Variants in FAM83B observed in about 807,000 individuals in gnomAD.
FAM83B encodes protein FAM83B.
Under a neutral mutation model 38.8 loss-of-function variants are expected in FAM83B, and 26 were observed. The ratio of observed to expected loss-of-function variants is 0.67; its 90% CI spans 0.49 to 0.93. FAM83B has a LOEUF of 0.93. Among genes scored for constraint, FAM83B ranks in the 40% least tolerant of loss-of-function variants. The pLI is 0.00. For missense variants in FAM83B, 1,237 were observed against 1,197.3 expected (o/e 1.03, Z -0.49); for synonymous variants, 419 against 423.1 (o/e 0.99, Z 0.12).
chr6:54,904,481 C>G (rs769331225), intron 2 of FAM83B, among the ~76,000 whole-genome samples: 1 of 152,114 alleles, frequency 6.6e-6, no homozygotes, highest in Admixed American at 6.6e-5. Context: ...ACACACCTCC[C>G]ATTCCTTGCC....
At chr6:54,887,443 T>A (rs746111100) in intron 2 of FAM83B, among the ~76,000 whole-genome samples, 6 of 152,200 alleles carry the variant, frequency 3.9e-5, no homozygotes, top group Non-Finnish European at 8.8e-5. Context: ...CTATTATATA[T>A]TCAATAGCTG....
In FAM83B at chr6:54,940,133, A is replaced by G. The variant is rs1773630536; in HGVS notation, c.1162A>G (p.Ser388Gly). The change falls in exon 5 of 5, where the codon AGT becomes GGT. Residue 388 changes from serine (S) to glycine (G), a missense_variant. Ser to Gly is a moderately conservative substitution (Grantham distance 56). Coordinates refer to ENST00000306858, the MANE Select transcript of FAM83B (RefSeq NM_001010872.3). ...GATAAATGAAAATTGGAAAAGGCAT[A>G]GTTATGCTGGGGAACAGCCAGAAAC... ...NQINENWKRH[S>G]YAGEQPETVP... is the part of the protein sequence containing the mutation. 1 of 1,614,128 alleles carries G rather than the reference A, an allele frequency of 6.2e-7. No homozygotes were observed. The highest frequency in any genetic ancestry group is 8.5e-7 in the Non-Finnish European group (1 of 1,180,018).
intron 2 of FAM83B, among the ~76,000 whole-genome samples, chr6:54,922,355 C>G (rs1773190934): frequency 6.6e-6 from 1 of 151,852 alleles, no homozygotes; most frequent in African/African-American, 2.4e-5. Context: ...AAATTAGTGC[C>G]AGACTGCACC....
At position 54,875,502 on chromosome 6, in the gene FAM83B, C is replaced by T. The variant is rs530128663; in HGVS notation, c.444+4812C>T. Among the ~76,000 whole-genome samples, 20 of 152,208 alleles carry T rather than the reference C, an allele frequency of 1.3e-4. 1 individual carries two copies. The South Asian group carries it at 3.3e-3, about 25-fold the overall frequency. ...ATTTCTTCTTGGAAATAATATTTTG[C>T]TTAGTCAAATTTAATGACATTACTA... On this transcript the variant is annotated intron_variant, in intron 2 of 4. Transcript: ENST00000306858.
rs1771848396 is a variant in FAM83B at position 54,871,366 on chromosome 6, CATGGTGGGCACTTTGGAG to C, written c.444+678_444+695del. The stretch of plus-strand genomic sequence containing the variant: ...TAAGAGTTTTGTATCTACTCAGCAC[CATGGTGGGCACTTTGGAG>C]ACTACAAAAAAATTTGCCAAGCTCA... On this transcript the variant is annotated intron_variant, in intron 2 of 4. Coordinates refer to ENST00000306858, the MANE Select transcript of FAM83B (RefSeq NM_001010872.3). 2.6e-5 allele frequency among the ~76,000 whole-genome samples: 4 copies of C among 151,668 alleles called. No homozygotes were observed. The South Asian group carries it at 8.3e-4, about 32-fold the overall frequency.
At chr6:54,910,516 A>G (rs1394600010) in intron 2 of FAM83B, among the ~76,000 whole-genome samples, 1 of 152,114 alleles carries the variant, frequency 6.6e-6, no homozygotes, top group Non-Finnish European at 1.5e-5. Context: ...GGTGGTCACC[A>G]GGTTGCCTAG....
At chr6:54,878,788 T>G (rs1186653284) in intron 2 of FAM83B, among the ~76,000 whole-genome samples, 2 of 152,290 alleles carry the variant, frequency 1.3e-5, no homozygotes, top group East Asian at 3.9e-4. Context: ...CCTGCTATAT[T>G]TTAACAGTAT....
chr6:54,850,422 T>A (rs1463577514), intron 1 of FAM83B, among the ~76,000 whole-genome samples: 2 of 152,214 alleles, frequency 1.3e-5, no homozygotes, highest in African/African-American at 2.4e-5. Context: ...TTCCCCACAG[T>A]ATCACTGTGA....
At chr6:54,868,476 A>T (rs1258567769) in intron 1 of FAM83B, among the ~76,000 whole-genome samples, 1 of 152,192 alleles carries the variant, frequency 6.6e-6, no homozygotes, top group Non-Finnish European at 1.5e-5. Flanking sequence ...AAGTTTTAGG[A>T]TGTATCCCAA....
chr6:54,888,416 T>C (rs1464600038), intron 2 of FAM83B, among the ~76,000 whole-genome samples: 1 of 151,994 alleles, frequency 6.6e-6, no homozygotes, highest in African/African-American at 2.4e-5. Context: ...CCCTTTAGGA[T>C]TGCTTTTGTT....
At chr6:54,887,276 T>G (rs1437713367) in intron 2 of FAM83B, among the ~76,000 whole-genome samples, 1 of 152,174 alleles carries the variant, frequency 6.6e-6, no homozygotes, top group Non-Finnish European at 1.5e-5. Context: ...CAAACACAGA[T>G]TAAAAATACA....
intron 1 of FAM83B, among the ~76,000 whole-genome samples, chr6:54,854,266 G>C (rs1400768849): frequency 6.6e-6 from 1 of 152,148 alleles, no homozygotes; most frequent in Non-Finnish European, 1.5e-5. Context: ...AACTTAGTTG[G>C]TAAAACAGCA....
intron 1 of FAM83B, among the ~76,000 whole-genome samples, chr6:54,850,336 G>C (rs1771243094): frequency 1.3e-5 from 2 of 152,106 alleles, no homozygotes; most frequent in Non-Finnish European, 2.9e-5. Context: ...TCACTCCTGT[G>C]TCCCACCCAC....
rs371661651 is a variant in FAM83B at position 54,870,682 on chromosome 6, G to T, written c.436G>T (p.Ala146Ser). Residue 146 changes from alanine to serine, a missense_variant, in exon 2 of 5, where the codon GCA becomes TCA. Physicochemically the swap from Ala to Ser is moderately conservative, Grantham distance 99. Transcript: ENST00000306858. ...AACTATTCGGAAGATGATAAAAGAA[G>T]CAAGAAAGGTAATAACATTTCTATT... ...KETIRKMIKE[A>S]RKVIALVMDI... is the part of the protein sequence containing the mutation. 2 of 1,585,832 alleles carry T rather than the reference G, an allele frequency of 1.3e-6. No individual in the cohort carries two copies. The highest frequency in any genetic ancestry group is 2.7e-5 in the African/African-American group (2 of 72,990).
chr6:54,917,185 G>A (rs1218400081), intron 2 of FAM83B, among the ~76,000 whole-genome samples: 1 of 152,132 alleles, frequency 6.6e-6, no homozygotes, highest in East Asian at 1.9e-4. Flanking sequence ...GTGCCATGTA[G>A]ACACTGCATC....
At chr6:54,861,869 C>T (rs76712225) in intron 1 of FAM83B, among the ~76,000 whole-genome samples, 93 of 152,238 alleles carry the variant, frequency 6.1e-4, no homozygotes, top group African/African-American at 2.1e-3. Flanking sequence ...TGCTTATGTA[C>T]GTTTTAAGCC....
chr6:54,892,109 C>T (rs1053505248), intron 2 of FAM83B, among the ~76,000 whole-genome samples: 1 of 152,192 alleles, frequency 6.6e-6, no homozygotes, highest in African/African-American at 2.4e-5. Flanking sequence ...TCCCGTATTC[C>T]TGTAGCCACT....
intron 1 of FAM83B, among the ~76,000 whole-genome samples, chr6:54,867,310 C>T (rs1771733185): frequency 6.6e-6 from 1 of 151,844 alleles, no homozygotes; most frequent in South Asian, 2.1e-4. Flanking sequence ...TATTTAATTG[C>T]AATACTCACT....
chr6:54,920,765 A>G (rs1773149338), intron 2 of FAM83B, among the ~76,000 whole-genome samples: 1 of 151,976 alleles, frequency 6.6e-6, no homozygotes, highest in African/African-American at 2.4e-5. Flanking sequence ...AAAATCATAC[A>G]GAAGGCTTCA....
Sources: allele counts gnomAD v4.1 joint callset (sites outside exome capture counted in the v4.1 genomes callset), GRCh38; gene constraint gnomAD v4.1.1; transcripts MANE v1.5; gene names NCBI Gene and HGNC (gene_info 2026-07-23, HGNC 2026-07-21).